Variants in JAKMIP3 observed in about 807,000 individuals in gnomAD.
JAKMIP3 encodes Janus kinase and microtubule interacting protein 3.
In JAKMIP3, 58 loss-of-function variants were observed where a neutral mutation model predicts 118.5. The ratio of observed to expected loss-of-function variants is 0.49; its 90% confidence interval spans 0.40 to 0.61. The LOEUF is 0.61. JAKMIP3 is among the 20% of genes least tolerant of loss of function. JAKMIP3 has a pLI of 0.00. For missense variants in JAKMIP3, 950 were observed against 1,109.0 expected (o/e 0.86, Z 2.04); for synonymous variants, 486 against 451.2 (o/e 1.08, Z -0.98).
At chr10:132,053,589 G>A (rs2038153678) in intron 1 of JAKMIP3, among the ~76,000 whole-genome samples, 2 of 151,684 alleles carry the variant, frequency 1.3e-5, no homozygotes, top group African/African-American at 4.9e-5. Flanking sequence ...TACCTTAAGT[G>A]GGAGGTGAGT....
At chr10:132,082,728 A>G (rs1231425338) in intron 1 of JAKMIP3, among the ~76,000 whole-genome samples, 2 of 151,992 alleles carry the variant, frequency 1.3e-5, no homozygotes, top group Admixed American at 1.3e-4. Context: ...CTCCTGCCTC[A>G]GCCTCCCGAG....
At chr10:132,109,351 G>T (rs931195158) in intron 2 of JAKMIP3, among the ~76,000 whole-genome samples, 1 of 152,076 alleles carries the variant, frequency 6.6e-6, no homozygotes, top group South Asian at 2.1e-4. Flanking sequence ...AAAAAAGATT[G>T]TGTGCACACA....
chr10:132,057,900 C>T (rs1203403565), intron 1 of JAKMIP3, among the ~76,000 whole-genome samples: 1 of 152,208 alleles, frequency 6.6e-6, no homozygotes, highest in Non-Finnish European at 1.5e-5. Flanking sequence ...GGCACTGTGA[C>T]CACACTGCAC....
rs146934051 is a variant in JAKMIP3, at chr10:132,136,107, G to A, written c.1116+31G>A. The A allele has an allele frequency of 5.7e-5, 91 of 1,608,342 alleles. 1 individual carries two copies. The Admixed American group carries it at 1.1e-3, about 19-fold the overall frequency. On this transcript the variant is annotated intron_variant, in intron 6 of 23. Coordinates refer to ENST00000684848, the MANE Select transcript of JAKMIP3 (RefSeq NM_001323087.2). The stretch of plus-strand genomic sequence containing the variant: ...GGGGTGGGGGGCTCCACGGGGCCAC[G>A]GTCGCACCCGAGCTCCAGGCAGCAT...
chr10:132,057,767 C>T (rs2038278575), intron 1 of JAKMIP3, among the ~76,000 whole-genome samples: 1 of 152,186 alleles, frequency 6.6e-6, no homozygotes, highest in Admixed American at 6.5e-5. Context: ...CTGTGTCAAC[C>T]CCAGTGAGAG....
Position 132,110,154 on chromosome 10 carries a change from G to A in JAKMIP3, c.135+5211G>A, listed in dbSNP as rs117825444. ...AGAGGAGCCCTTCCCAGAACAGACC[G>A]ACCCTGCCCCACCGGCCTCCTGTAG... On this transcript the variant is annotated intron_variant, in intron 2 of 23. Transcript: ENST00000684848. Among the ~76,000 whole-genome samples, 72 of 152,252 alleles carry A rather than the reference G, an allele frequency of 4.7e-4. No individual in the cohort carries two copies. The East Asian group carries it at 7.6e-3, about 16-fold the overall frequency.
intron 22 of JAKMIP3, 30 bp downstream of exon 22, chr10:132,167,085 G>A (rs1267571807): frequency 6.8e-7 from 1 of 1,472,674 alleles, no homozygotes; most frequent in Admixed American, 2.0e-5. Context: ...GGCCCAGCAG[G>A]GGTCCCGCTC....
At chr10:132,104,556 C>G (rs1339004753) in intron 1 of JAKMIP3, 116 bp from the exon 2 acceptor site, 1 of 521,174 alleles carries the variant, frequency 1.9e-6, no homozygotes, top group African/African-American at 1.9e-5. Context: ...AGGTAGCATC[C>G]TCAGCACTGC....
At position 132,163,147 on chromosome 10, in the gene JAKMIP3, C is replaced by T. The variant is rs571845265; in HGVS notation, c.2221-62C>T. 1.7e-4 allele frequency: 259 copies of T among 1,485,134 alleles called. 3 individuals carry two copies. In the African/African-American group the frequency reaches 2.0e-3, roughly 11 times the overall value. 92.0% of individuals were successfully genotyped at this position (1,485,134 alleles called of 1,614,324 possible). A position where few individuals can be genotyped will look rare whatever the true frequency, so the allele number is the denominator to read the frequency against. On this transcript the variant is annotated intron_variant, in intron 19 of 23. Coordinates refer to ENST00000684848, the MANE Select transcript of JAKMIP3 (RefSeq NM_001323087.2). ...GGAGGGTGGCCCGGCCTCCGTTGCC[C>T]TTCCTGAAAGGTTTGTTCTGGGGAG...
chr10:132,059,473 A>G (rs1426716296), intron 1 of JAKMIP3, among the ~76,000 whole-genome samples: 1 of 152,256 alleles, frequency 6.6e-6, no homozygotes, highest in Non-Finnish European at 1.5e-5. Context: ...TGGCGTGGTG[A>G]CCACAGCAAG....
chr10:132,044,166 C>A lies in JAKMIP3; in HGVS notation c.-138+7428C>A, dbSNP rs1326014591. On this transcript the variant is annotated intron_variant, in intron 1 of 23. Coordinates refer to the JAKMIP3 transcript ENST00000657785. This position sits in a 1 kb window ranked among gnomAD's most constrained non-coding sequence, Gnocchi z 5.3. ...TGCCTGGTGGGGGGGCTTCTCTGGG[C>A]CCTCAGCTGCCCTTAGGGCCGCCCT... Among the ~76,000 whole-genome samples, 1 of 152,242 alleles carries A rather than the reference C, an allele frequency of 6.6e-6. No individual in the cohort carries two copies. The highest frequency in any genetic ancestry group is 1.5e-5 in the Non-Finnish European group (1 of 68,034).
chr10:132,159,748 GGGC>G (rs2057758105), intron 19 of JAKMIP3, among the ~76,000 whole-genome samples: 2 of 73,078 alleles, frequency 2.7e-5, no homozygotes, highest in Non-Finnish European at 4.9e-5. Context: ...GATACTGGGG[GGGC>G]CTCTTCCTGT....
At chr10:132,129,832 T>C (rs1361919550) in intron 3 of JAKMIP3, among the ~76,000 whole-genome samples, 2 of 151,764 alleles carry the variant, frequency 1.3e-5, no homozygotes, top group East Asian at 3.9e-4. Flanking sequence ...TAATGCCAAC[T>C]ACCCCATCAC....
chr10:132,162,515 G>A (rs1243729009), intron 19 of JAKMIP3, among the ~76,000 whole-genome samples: 1 of 152,230 alleles, frequency 6.6e-6, no homozygotes, highest in Non-Finnish European at 1.5e-5. Context: ...GGTTGTGACA[G>A]CTGGGGACAG....
At chr10:132,107,308 A>C (rs1176219101) in intron 2 of JAKMIP3, among the ~76,000 whole-genome samples, 4 of 152,176 alleles carry the variant, frequency 2.6e-5, no homozygotes, top group Non-Finnish European at 5.9e-5. Flanking sequence ...AGTTTTGCCA[A>C]AACACATCCA....
chr10:132,157,229 T>C (rs1211961034), intron 19 of JAKMIP3, among the ~76,000 whole-genome samples: 2 of 152,008 alleles, frequency 1.3e-5, no homozygotes, highest in African/African-American at 4.8e-5. Context: ...AAGTGCGGGG[T>C]GTAACCACAT....
chr10:132,155,356 C>G (rs888827407), intron 19 of JAKMIP3, among the ~76,000 whole-genome samples: 1 of 152,204 alleles, frequency 6.6e-6, no homozygotes, highest in Non-Finnish European at 1.5e-5. Context: ...CCCAAGGACA[C>G]GCAGTCAGAA....
At chr10:132,152,934 C>G in intron 16 of JAKMIP3, 24 bp from the exon 17 acceptor site, 1 of 1,586,318 alleles carries the variant, frequency 6.3e-7, no homozygotes, top group Non-Finnish European at 8.6e-7. Context: ...TCTGACCGCA[C>G]CTGTGTTCTG....
In JAKMIP3 at chr10:132,135,172, CG is replaced by C. The variant is rs756027801; in HGVS notation, c.969+17del. On this transcript the variant is annotated intron_variant, in intron 5 of 23. Coordinates refer to ENST00000684848, the MANE Select transcript of JAKMIP3 (RefSeq NM_001323087.2). The stretch of plus-strand genomic sequence containing the variant: ...AGAGGAATGAGCTGGTGAGCGCGGG[CG>C]GGGGCTTCTGGCTCCTGGGGGTTTG... 5.7e-6 allele frequency: 9 copies of C among 1,591,728 alleles called. No individual in the cohort carries two copies. Among genetic ancestry groups the C allele is most frequent in the Non-Finnish European group, 6.0e-6 (7 of 1,164,036 alleles).
Sources: allele counts gnomAD v4.1 joint callset (sites outside exome capture counted in the v4.1 genomes callset), GRCh38; gene constraint gnomAD v4.1.1; non-coding constraint Gnocchi (gnomAD v3.1); transcripts MANE v1.5; gene names NCBI Gene and HGNC (gene_info 2026-07-23, HGNC 2026-07-21).